SH3RF1: variants seen among roughly 807,000 people sequenced by gnomAD.
SH3RF1 encodes the protein E3 ubiquitin-protein ligase SH3RF1.
A neutral mutation model predicts 74.0 loss-of-function variants in SH3RF1; 32 were observed. That is an observed-to-expected ratio of 0.43 (90% CI 0.33 to 0.58). The LOEUF (loss-of-function observed/expected upper bound fraction) is 0.58. Among genes scored for constraint, SH3RF1 ranks in the 20% least tolerant of loss-of-function variants. The pLI is 0.05. For missense variants in SH3RF1, 954 were observed against 1,130.9 expected (o/e 0.84, Z 2.24); for synonymous variants, 396 against 439.6 (o/e 0.90, Z 1.24).
chr4:169,222,576 A>G (rs1254590992), intron 2 of SH3RF1, among the ~76,000 whole-genome samples: 1 of 151,154 alleles, frequency 6.6e-6, no homozygotes, highest in Non-Finnish European at 1.5e-5. Flanking sequence ...GGAATTTAAG[A>G]TAATAGAATT....
intron 2 of SH3RF1, among the ~76,000 whole-genome samples, chr4:169,249,677 C>T (rs746126665): frequency 6.6e-6 from 1 of 152,194 alleles, no homozygotes; most frequent in Non-Finnish European, 1.5e-5. Context: ...CCGTTGGAGA[C>T]ACACAGAGCA....
intron 2 of SH3RF1, among the ~76,000 whole-genome samples, chr4:169,175,000 C>T (rs1299582505): frequency 1.3e-5 from 2 of 152,156 alleles, no homozygotes; most frequent in Non-Finnish European, 2.9e-5. Context: ...TTTCCACCTA[C>T]CCCCATGAAA....
At chr4:169,229,969 G>A (rs758666382) in intron 2 of SH3RF1, among the ~76,000 whole-genome samples, 1 of 147,376 alleles carries the variant, frequency 6.8e-6, no homozygotes, top group Non-Finnish European at 1.5e-5. Flanking sequence ...ACTTTAGGAG[G>A]TGGAGACGGG....
intron 2 of SH3RF1, among the ~76,000 whole-genome samples, chr4:169,169,833 T>G (rs906074979): frequency 6.6e-6 from 1 of 152,100 alleles, no homozygotes; most frequent in Non-Finnish European, 1.5e-5. Context: ...GCTCAAGCAA[T>G]CCTCCTGTCG....
intron 2 of SH3RF1, among the ~76,000 whole-genome samples, chr4:169,247,573 T>G (rs1472608536): frequency 1.3e-5 from 2 of 152,078 alleles, no homozygotes; most frequent in Non-Finnish European, 2.9e-5. Flanking sequence ...GCTTGATAAA[T>G]GGTAATAACA....
At chr4:169,190,382 C>T (rs949942542) in intron 2 of SH3RF1, among the ~76,000 whole-genome samples, 10 of 151,780 alleles carry the variant, frequency 6.6e-5, no homozygotes, top group Non-Finnish European at 1.2e-4. Context: ...AGAAACAAAA[C>T]GAGAGACATT....
At position 169,136,555 on chromosome 4, in the gene SH3RF1, T is replaced by A. The variant is rs1285514928; in HGVS notation, c.831A>T (p.Gly277=). The A allele has an allele frequency of 6.2e-7, 1 of 1,602,862 alleles. No individual in the cohort carries two copies. Among genetic ancestry groups the A allele is most frequent in the South Asian group, 1.1e-5 (1 of 90,014 alleles). Residue 277 remains glycine, a synonymous_variant, in exon 5 of 12, where the codon GGA becomes GGT. Coordinates refer to ENST00000284637, the MANE Select transcript of SH3RF1 (RefSeq NM_020870.4). ...TCTGGGCTGCTGCCGAGGAACATTC[T>A]CCAGCATCAACTCCTGGCACAGGAG... ...DKPPVPGVDA[G]ECSSAAAQSS...
At chr4:169,166,846 A>G in intron 2 of SH3RF1, 1 of 300,066 alleles carries the variant, frequency 3.3e-6, no homozygotes, top group Non-Finnish European at 6.3e-6. Flanking sequence ...GAAATTTGTC[A>G]TTGCCACCTC....
intron 2 of SH3RF1, among the ~76,000 whole-genome samples, chr4:169,239,850 G>T (rs557473938): frequency 6.6e-6 from 1 of 152,024 alleles, no homozygotes; most frequent in East Asian, 1.9e-4. Context: ...GTGAAACCCC[G>T]TCTCTAATGA....
At chr4:169,191,931 A>G (rs1734719404) in intron 2 of SH3RF1, among the ~76,000 whole-genome samples, 1 of 152,186 alleles carries the variant, frequency 6.6e-6, no homozygotes, top group South Asian at 2.1e-4. Flanking sequence ...GTGAAACTAT[A>G]AAAATTCTTG....
Position 169,269,174 on chromosome 4 carries a change from C to A in SH3RF1, c.39G>T (p.Pro13=). The A allele has an allele frequency of 6.2e-7, 1 of 1,605,128 alleles. No individual in the cohort carries two copies. Among genetic ancestry groups the A allele is most frequent in the Non-Finnish European group, 8.5e-7 (1 of 1,178,022 alleles). ...AAGCATCAAGGCGCTCTAGACACACCGGACACTCCAAAAGATCCAACAAGG... is the reference window on the plus strand; with the variant it reads ...AAGCATCAAGGCGCTCTAGACACACAGGACACTCCAAAAGATCCAACAAGG... The part of the protein sequence containing the change: ...ESALLDLLEC[P]VCLERLDASA... Residue 13 remains proline (P), a synonymous_variant, in exon 2 of 12, where the codon CCG becomes CCT. Transcript: ENST00000284637.
At chr4:169,124,055 C>T (rs984106042) in intron 6 of SH3RF1, among the ~76,000 whole-genome samples, 1 of 152,164 alleles carries the variant, frequency 6.6e-6, no homozygotes, top group South Asian at 2.1e-4. Context: ...GTGACCTGGA[C>T]AGTTCATGGA....
chr4:169,237,092 G>A (rs972732935), intron 2 of SH3RF1, among the ~76,000 whole-genome samples: 1 of 152,200 alleles, frequency 6.6e-6, no homozygotes, highest in Admixed American at 6.5e-5. Context: ...AACAGAAGGA[G>A]CCAAAAATGT....
intron 2 of SH3RF1, among the ~76,000 whole-genome samples, chr4:169,261,232 A>G (rs971722285): frequency 4.6e-5 from 7 of 151,948 alleles, no homozygotes; most frequent in Admixed American, 4.6e-4. Context: ...CTGACCTCCA[A>G]ACCACACTCT....
chr4:169,151,452 A>G (rs1280668896), intron 4 of SH3RF1, among the ~76,000 whole-genome samples: 1 of 152,096 alleles, frequency 6.6e-6, no homozygotes, highest in East Asian at 1.9e-4. Flanking sequence ...GATAATTAGT[A>G]GTAGAGTCAA....
intron 2 of SH3RF1, among the ~76,000 whole-genome samples, chr4:169,247,614 T>C (rs530931223): frequency 1.3e-5 from 2 of 152,222 alleles, no homozygotes; most frequent in East Asian, 3.9e-4. Flanking sequence ...AGTACAACTA[T>C]ATGGGCCAGA....
intron 2 of SH3RF1, among the ~76,000 whole-genome samples, chr4:169,168,220 G>T (rs1734277468): frequency 7.1e-6 from 1 of 139,996 alleles, no homozygotes; most frequent in Non-Finnish European, 1.6e-5. Flanking sequence ...AATGAGAAAA[G>T]AAATCTGAAA....
intron 4 of SH3RF1, among the ~76,000 whole-genome samples, chr4:169,141,154 T>A (rs1452230414): frequency 6.6e-6 from 1 of 152,178 alleles, no homozygotes; most frequent in Non-Finnish European, 1.5e-5. Flanking sequence ...GTTCCCCACA[T>A]CTGTCTCTTC....
Position 169,122,172 on chromosome 4 carries a change from C to CCAG in SH3RF1, c.1271_1273dup (p.Ala424dup), listed in dbSNP as rs750783750. 4.4e-5 allele frequency: 71 copies of CCAG among 1,613,234 alleles called. No individual in the cohort carries two copies. Among genetic ancestry groups the CCAG allele is most frequent in the African/African-American group, 1.5e-4 (11 of 74,862 alleles). The stretch of plus-strand genomic sequence containing the variant: ...TCCTGCCATGGGCCTCGGTCCCATT[C>CCAG]CAGCAGCAGCAGCAGCGGCGGTGGC... On this transcript the variant is annotated inframe_insertion, in exon 7 of 12. Coordinates refer to ENST00000284637, the MANE Select transcript of SH3RF1 (RefSeq NM_020870.4).
Sources: allele counts gnomAD v4.1 joint callset (sites outside exome capture counted in the v4.1 genomes callset), GRCh38; gene constraint gnomAD v4.1.1; transcripts MANE v1.5; gene names NCBI Gene and HGNC (gene_info 2026-07-23, HGNC 2026-07-21).